Variants in ZSWIM6 observed in about 807,000 individuals in gnomAD.
ZSWIM6 encodes the protein zinc finger SWIM domain-containing protein 6.
Under a neutral mutation model 113.2 loss-of-function variants are expected in ZSWIM6, and 9 were observed. The observed-to-expected ratio is 0.08, with a 90% CI of 0.05 to 0.14. ZSWIM6 has a LOEUF of 0.14. Ranked by LOEUF, ZSWIM6 falls within the 10% of genes least tolerant of loss-of-function variation. The pLI is 1.00. For missense variants in ZSWIM6, 1,162 were observed against 1,552.2 expected (o/e 0.75, Z 4.22); for synonymous variants, 611 against 606.5 (o/e 1.01, Z -0.11).
At chr5:61,460,072 A>T (rs978950133) in intron 1 of ZSWIM6, among the ~76,000 whole-genome samples, 1 of 152,202 alleles carries the variant, frequency 6.6e-6, no homozygotes, top group Admixed American at 6.5e-5. Context: ...AAGAAGGTTG[A>T]CTTTCAACGA....
At chr5:61,508,836 T>G (rs1342173915) in intron 4 of ZSWIM6, among the ~76,000 whole-genome samples, 2 of 152,114 alleles carry the variant, frequency 1.3e-5, no homozygotes, top group African/African-American at 4.8e-5. Context: ...GGCCTTGCTA[T>G]CAGAAAGTCC....
At chr5:61,384,061 G>A (rs1036193826) in intron 1 of ZSWIM6, among the ~76,000 whole-genome samples, 1 of 148,738 alleles carries the variant, frequency 6.7e-6, no homozygotes, top group African/African-American at 2.5e-5. Flanking sequence ...CTAACAAGGT[G>A]AAACCCCGTC....
chr5:61,412,713 A>G (rs1215864667), intron 1 of ZSWIM6, among the ~76,000 whole-genome samples: 20 of 152,166 alleles, frequency 1.3e-4, no homozygotes, highest in Admixed American at 1.2e-3. Context: ...TGAAGAATCT[A>G]TGTTTTCTTA....
chr5:61,405,767 G>T (rs945867989), intron 1 of ZSWIM6, among the ~76,000 whole-genome samples: 2 of 152,158 alleles, frequency 1.3e-5, no homozygotes, highest in Admixed American at 6.5e-5. Context: ...TTTATTCTCA[G>T]TGTCATAGTT....
intron 1 of ZSWIM6, among the ~76,000 whole-genome samples, chr5:61,427,661 T>G (rs1451486900): frequency 1.3e-5 from 2 of 152,040 alleles, no homozygotes; most frequent in Non-Finnish European, 2.9e-5. Context: ...ATTTTTTTTT[T>G]GTAGAGACAG....
At chr5:61,355,440 ACAC>A (rs1561204647) in intron 1 of ZSWIM6, among the ~76,000 whole-genome samples, 2,633 of 40,494 alleles carry the variant, frequency 0.065, 40 homozygotes, top group Middle Eastern at 0.15. Flanking sequence ...AAACACACAC[ACAC>A]ACACACACAC....
intron 1 of ZSWIM6, among the ~76,000 whole-genome samples, chr5:61,438,613 G>A (rs139195887): frequency 1.3e-5 from 2 of 152,210 alleles, no homozygotes; most frequent in South Asian, 4.2e-4. Context: ...GAGCAAACAG[G>A]CAATGAACAA....
At chr5:61,401,693 GT>G (rs758398066) in intron 1 of ZSWIM6, among the ~76,000 whole-genome samples, 6 of 152,134 alleles carry the variant, frequency 3.9e-5, no homozygotes, top group Non-Finnish European at 7.4e-5. Context: ...CATGGAGGTA[GT>G]TTATAGGGTA....
In ZSWIM6 at chr5:61,520,036, G is replaced by A. The variant is rs535087781; in HGVS notation, c.1334-1227G>A. Among the ~76,000 whole-genome samples, 16 of 152,292 alleles carry A rather than the reference G, an allele frequency of 1.1e-4. No homozygotes were observed. The South Asian group carries it at 3.3e-3, about 32-fold the overall frequency. ...GTCTGCCATTCACCTCCTGCTGTGT[G>A]GCCAGGTTCCTAACAGGCCATGGCT... On this transcript the variant is annotated intron_variant, in intron 4 of 13. Transcript: ENST00000252744.
intron 1 of ZSWIM6, among the ~76,000 whole-genome samples, chr5:61,339,851 CAT>C (rs1294034742): frequency 3.9e-5 from 6 of 152,174 alleles, no homozygotes; most frequent in Admixed American, 6.6e-5. Context: ...AATTTTTTAA[CAT>C]GTAAATATTT....
chr5:61,424,051 C>T (rs1328524178), intron 1 of ZSWIM6, among the ~76,000 whole-genome samples: 1 of 152,134 alleles, frequency 6.6e-6, no homozygotes, highest in Non-Finnish European at 1.5e-5. Context: ...GCAAGGATGC[C>T]TCTGAGTTGC....
At chr5:61,442,571 TA>T (rs1746863378) in intron 1 of ZSWIM6, among the ~76,000 whole-genome samples, 1 of 152,224 alleles carries the variant, frequency 6.6e-6, no homozygotes, top group Non-Finnish European at 1.5e-5. Flanking sequence ...TTCAGTCCCA[TA>T]TACTTGGCCT....
intron 1 of ZSWIM6, among the ~76,000 whole-genome samples, chr5:61,398,397 C>CCCTAGTT (rs1344520850): frequency 6.6e-6 from 1 of 152,122 alleles, no homozygotes; most frequent in Non-Finnish European, 1.5e-5. Flanking sequence ...ATCCCCCTAC[C>CCCTAGTT]CCTAGTTCAT....
At chr5:61,391,085 C>A in intron 1 of ZSWIM6, 1 of 739,812 alleles carries the variant, frequency 1.4e-6, no homozygotes, top group Non-Finnish European at 2.5e-6. Context: ...ACAGGTAAGG[C>A]CACAGGGGCA....
At chr5:61,383,616 A>G (rs1259212472) in intron 1 of ZSWIM6, among the ~76,000 whole-genome samples, 3 of 151,234 alleles carry the variant, frequency 2.0e-5, no homozygotes, top group African/African-American at 7.3e-5. Flanking sequence ...ACTCACTGCA[A>G]CCTCCGCCTC....
intron 1 of ZSWIM6, among the ~76,000 whole-genome samples, chr5:61,452,449 GAAA>G (rs1482677389): frequency 6.6e-6 from 1 of 152,106 alleles, no homozygotes; most frequent in Admixed American, 6.6e-5. Context: ...CTCATGGTAT[GAAA>G]AAATTCTCTT....
chr5:61,378,282 C>T (rs1412356795), intron 1 of ZSWIM6, among the ~76,000 whole-genome samples: 2 of 151,834 alleles, frequency 1.3e-5, no homozygotes, highest in Non-Finnish European at 2.9e-5. Context: ...ATTTGTCCAT[C>T]GAAGATGGAG....
chr5:61,466,648 T>A (rs1747443089), intron 1 of ZSWIM6, among the ~76,000 whole-genome samples: 1 of 152,194 alleles, frequency 6.6e-6, no homozygotes, highest in Admixed American at 6.5e-5. Flanking sequence ...CCAGTTTATT[T>A]TAGCTTAGAA....
Position 61,521,451 on chromosome 5 carries a change from A to G in ZSWIM6, c.1513+9A>G, listed in dbSNP as rs1749118747. 1.4e-6 allele frequency: 2 copies of G among 1,451,272 alleles called. No individual in the cohort carries two copies. The highest frequency in any genetic ancestry group is 1.8e-6 in the Non-Finnish European group (2 of 1,094,740). The allele number at this position is 1,451,272 out of a possible 1,614,324, so 89.9% of individuals were successfully genotyped here. A position where few individuals can be genotyped will look rare whatever the true frequency, so the allele number is the denominator to read the frequency against. ...TGCAAATGCCAACCAAGGTGAGTCT[A>G]CCATAATGTTCTGCTTAAATTGTAG... On this transcript the variant is annotated intron_variant, in intron 5 of 13. Transcript: ENST00000252744.
Sources: gnomAD v4.1 joint callset for allele counts (sites outside exome capture counted in the v4.1 genomes callset) on GRCh38, gnomAD v4.1.1 for gene constraint, MANE v1.5 for transcripts, NCBI Gene and HGNC (gene_info 2026-07-23, HGNC 2026-07-21) for gene names.